TIAM1: variants seen among roughly 807,000 people sequenced by gnomAD.
The protein encoded by TIAM1 is rho guanine nucleotide exchange factor TIAM1.
Under a neutral mutation model 163.5 loss-of-function variants are expected in TIAM1, and 65 were observed. The observed-to-expected ratio is 0.40, with a 90% CI of 0.33 to 0.49. TIAM1 has a LOEUF of 0.49. Ranked by LOEUF, TIAM1 falls within the 20% of genes least tolerant of loss-of-function variation. TIAM1 has a pLI of 0.77. For missense variants in TIAM1, 1,789 were observed against 2,044.7 expected (o/e 0.87, Z 2.41); for synonymous variants, 833 against 810.1 (o/e 1.03, Z -0.48).
chr21:31,171,035 C>CAAAAAAAAAAAAAA (rs34291568), intron 15 of TIAM1, among the ~76,000 whole-genome samples: 13 of 19,574 alleles, frequency 6.6e-4, no homozygotes, highest in African/African-American at 1.3e-3. Flanking sequence ...GACTCCATCT[C>CAAAAAAAAAAAAAA]AAAAAAAAAA....
At chr21:31,162,438 C>T (rs1030865904) in intron 16 of TIAM1, among the ~76,000 whole-genome samples, 1 of 151,962 alleles carries the variant, frequency 6.6e-6, no homozygotes, top group Non-Finnish European at 1.5e-5. Flanking sequence ...GTTATTTTAG[C>T]TAACTAATTT....
rs1222352355 is a variant in TIAM1, at chr21:31,266,918, C to A, written c.55G>T (p.Ala19Ser). 2 of 1,611,750 alleles carry A rather than the reference C, an allele frequency of 1.2e-6. No homozygotes were observed. Among genetic ancestry groups the A allele is most frequent in the East Asian group, 4.5e-5 (2 of 44,774 alleles). ...VEHEFYGEKHASLGRKHTSRS... is the reference protein window; with the variant it reads ...VEHEFYGEKHSSLGRKHTSRS... ...GAAGTGTGCTTGCGCCCCAGGCTGG[C>A]ATGCTTTTCTCCATAAAACTCGTGC... The change falls in exon 4 of 28, where the codon GCC (alanine) becomes TCC (serine). Residue 19 changes from alanine (A) to serine (S), a missense_variant. Transcript: ENST00000541036.
At chr21:31,223,269 C>A in intron 8 of TIAM1, 137 bp downstream of exon 8, 2 of 892,624 alleles carry the variant, frequency 2.2e-6, no homozygotes, top group Non-Finnish European at 3.3e-6. Flanking sequence ...AATTTGCATC[C>A]ACTGCAAAGG....
At position 31,118,563 on chromosome 21, in the gene TIAM1, G is replaced by C. The variant is rs747860689; in HGVS notation, c.*1805C>G. 59 of 471,594 alleles carry C rather than the reference G, an allele frequency of 1.3e-4. No homozygotes were observed. Among genetic ancestry groups the C allele is most frequent in the African/African-American group, 1.1e-3 (56 of 50,054 alleles). The allele number at this position is 471,594 out of a possible 1,614,324, so 29.2% of individuals were successfully genotyped here. ...ACACGTCATGACCTTATGTACAAGA[G>C]ACAATGGCACCCTCTCCAAGCACCA... On this transcript the variant is annotated 3_prime_UTR_variant, in exon 28 of 28. Coordinates refer to ENST00000541036, the MANE Select transcript of TIAM1 (RefSeq NM_001353694.2).
chr21:31,499,844 C>T (rs1338170765), intron 1 of TIAM1, among the ~76,000 whole-genome samples: 3 of 146,824 alleles, frequency 2.0e-5, no homozygotes, highest in Non-Finnish European at 4.5e-5. Flanking sequence ...AACAAGACTC[C>T]GTCTTAGGAA....
intron 2 of TIAM1, among the ~76,000 whole-genome samples, chr21:31,381,737 T>G (rs1343969289): frequency 6.6e-6 from 1 of 151,970 alleles, no homozygotes; most frequent in African/African-American, 2.4e-5. Context: ...GAGGCTGTGG[T>G]GGGAGCATCA....
chr21:31,238,592 A>T (rs944245787), intron 6 of TIAM1, among the ~76,000 whole-genome samples: 6 of 152,216 alleles, frequency 3.9e-5, no homozygotes, highest in Non-Finnish European at 8.8e-5. Context: ...GTTAAAAAAA[A>T]TTTTTAAGGG....
chr21:31,297,680 G>A (rs146831908), intron 2 of TIAM1, among the ~76,000 whole-genome samples: 1,535 of 152,250 alleles, frequency 0.01, 12 homozygotes, highest in Non-Finnish European at 0.017. Context: ...CACCGTGCCC[G>A]GCCAATGGGA....
chr21:31,158,588 G>A (rs565317172), intron 16 of TIAM1, among the ~76,000 whole-genome samples: 15 of 152,030 alleles, frequency 9.9e-5, no homozygotes, highest in African/African-American at 1.2e-4. Context: ...GTTGTTAAGC[G>A]GTGTTATATA....
At chr21:31,315,299 G>A (rs1441745855) in intron 2 of TIAM1, among the ~76,000 whole-genome samples, 1 of 152,054 alleles carries the variant, frequency 6.6e-6, no homozygotes, top group Non-Finnish European at 1.5e-5. Flanking sequence ...CAGATCACGA[G>A]GTCAGGAGAT....
chr21:31,474,388 T>A (rs1339914298), intron 1 of TIAM1, among the ~76,000 whole-genome samples: 1 of 152,200 alleles, frequency 6.6e-6, no homozygotes, highest in Non-Finnish European at 1.5e-5. Flanking sequence ...TTTAGCCATG[T>A]GACCATGGTC....
intron 1 of TIAM1, among the ~76,000 whole-genome samples, chr21:31,500,730 C>T (rs1602429307): frequency 6.6e-6 from 1 of 152,286 alleles, no homozygotes; most frequent in East Asian, 1.9e-4. Flanking sequence ...AACTCCAAAG[C>T]TTTCAGAGAA....
intron 15 of TIAM1, among the ~76,000 whole-genome samples, chr21:31,175,379 C>T (rs900329312): frequency 2.6e-5 from 4 of 152,114 alleles, no homozygotes; most frequent in African/African-American, 9.7e-5. Flanking sequence ...ATAAAGTGAA[C>T]GTGAACCCAA....
At chr21:31,154,523 C>G (rs2833307) in intron 16 of TIAM1, 97 bp from the exon 17 acceptor site, 306,601 of 1,259,986 alleles carry the variant, frequency 0.24, 43,216 homozygotes, top group East Asian at 0.58. Context: ...CCTGGTTAGT[C>G]AACTGTCACA....
At chr21:31,554,042 G>C (rs1046833453) in intron 1 of TIAM1, among the ~76,000 whole-genome samples, 8 of 152,168 alleles carry the variant, frequency 5.3e-5, no homozygotes, top group Non-Finnish European at 1.0e-4. Context: ...AAGGTTAGCA[G>C]CTCTCAGGCA....
intron 1 of TIAM1, among the ~76,000 whole-genome samples, chr21:31,532,693 T>C (rs1293540244): frequency 6.6e-6 from 1 of 152,312 alleles, no homozygotes; most frequent in East Asian, 1.9e-4. Context: ...AAACACGCTT[T>C]GTGGGGTGAA....
intron 2 of TIAM1, among the ~76,000 whole-genome samples, chr21:31,451,718 CGTGTGTGTGTGTGTGTGTGTGTGTGT>C (rs59110882): frequency 7.0e-6 from 1 of 142,164 alleles, no homozygotes; most frequent in African/African-American, 2.6e-5. Flanking sequence ...CATGTGTGTG[CGTGTGTGTGTGTGTGTGTGTGTGTGT>C]GTGTGTGTGT....
intron 22 of TIAM1, among the ~76,000 whole-genome samples, chr21:31,136,764 C>T (rs922918629): frequency 2.6e-5 from 4 of 152,160 alleles, no homozygotes; most frequent in East Asian, 1.9e-4. Flanking sequence ...TGCTAATGGC[C>T]GTCCATGACA....
rs545963264 is a variant in TIAM1 at position 31,483,218 on chromosome 21, C to T, written c.-421-19183G>A. Among the ~76,000 whole-genome samples, 6 of 152,306 alleles carry T rather than the reference C, an allele frequency of 3.9e-5. No individual in the cohort carries two copies. The South Asian group carries it at 1.2e-3, about 32-fold the overall frequency. The stretch of plus-strand genomic sequence containing the variant: ...ACAGGACTTGCAGCAAATGGTGCTG[C>T]AGTCCCCACCACCATGGGATCAAGC... On this transcript the variant is annotated intron_variant, in intron 1 of 28. Coordinates refer to the TIAM1 transcript ENST00000286827.
Sources: allele counts gnomAD v4.1 joint callset (sites outside exome capture counted in the v4.1 genomes callset), GRCh38; gene constraint gnomAD v4.1.1; transcripts MANE v1.5; gene names NCBI Gene and HGNC (gene_info 2026-07-23, HGNC 2026-07-21).